IFNAR2: variants seen among roughly 807,000 people sequenced by gnomAD.
IFNAR2 encodes interferon alpha/beta receptor 2.
Under a neutral mutation model 49.4 loss-of-function variants are expected in IFNAR2, and 30 were observed. The observed-to-expected ratio is 0.61, with a 90% confidence interval of 0.45 to 0.82. The LOEUF (loss-of-function observed/expected upper bound fraction) is 0.82. Ranked by LOEUF, IFNAR2 falls within the 40% of genes least tolerant of loss-of-function variation. The probability of loss-of-function intolerance (pLI) is 0.00; values close to 1 mark genes in which losing one functional copy is unlikely to be tolerated. For missense variants in IFNAR2, 600 were observed against 622.7 expected (o/e 0.96, Z 0.39); for synonymous variants, 224 against 234.5 (o/e 0.96, Z 0.41).
In IFNAR2 at chr21:33,263,854, C is replaced by CTT. The variant is rs58370026; in HGVS notation, c.*371_*372dup. ...CCTATGATATTTCTCTTCTTTCGTT[C>CTT]TTTTTTTTTTTTTTTTTTGAGACAG... On this transcript the variant is annotated 3_prime_UTR_variant, in exon 9 of 9. Transcript: ENST00000342136. 1.5e-4 allele frequency: 19 copies of CTT among 127,204 alleles called. No individual in the cohort carries two copies. The highest frequency in any genetic ancestry group is 2.3e-4 in the Admixed American group (3 of 13,218). The allele number at this position is 127,204 out of a possible 1,614,324, so 7.9% of individuals were successfully genotyped here.
Position 33,246,853 on chromosome 21 carries a change from G to C in IFNAR2, c.357G>C (p.Leu119Phe), listed in dbSNP as rs1369125301. The C allele has an allele frequency of 1.2e-6, 2 of 1,614,220 alleles. No homozygotes were observed. Among genetic ancestry groups the C allele is most frequent in the East Asian group, 4.5e-5 (2 of 44,896 alleles). Residue 119 changes from leucine to phenylalanine, a missense_variant, in exon 5 of 9, where the codon TTG (leucine) becomes TTC (phenylalanine). Leu to Phe is a conservative substitution (Grantham distance 22). Coordinates refer to ENST00000342136, the MANE Select transcript of IFNAR2 (RefSeq NM_001289125.3). ...VLEGFSGNTT[L>F]FSCSHNFWLA... ...AAGGATTCAGCGGGAACACAACGTT[G>C]TTCAGTTGCTCACACAATTTCTGGC...
At position 33,263,714 on chromosome 21, in the gene IFNAR2, G is replaced by A. The variant is rs1043090339; in HGVS notation, c.*214G>A. On this transcript the variant is annotated 3_prime_UTR_variant, in exon 9 of 9. Transcript: ENST00000342136. ...GCATTGTTTACATATTCAAAGTGGT[G>A]CACTTTGAAGGAAGCACATGTGCAC... The A allele has an allele frequency of 1.4e-5, 8 of 563,756 alleles. No homozygotes were observed. The highest frequency in any genetic ancestry group is 4.7e-4 in the Middle Eastern group (1 of 2,124). 34.9% of individuals were successfully genotyped at this position (563,756 alleles called of 1,614,324 possible). A position where few individuals can be genotyped will look rare whatever the true frequency, so the allele number is the denominator to read the frequency against.
Position 33,241,869 on chromosome 21 carries a change from C to T in IFNAR2, c.-54C>T. ...ATTAGACACTTCAGAATTTTGATCA[C>T]CTAATGTTGATTTCAGATGTAAAAG... On this transcript the variant is annotated 5_prime_UTR_variant, in exon 2 of 9. Coordinates refer to ENST00000342136, the MANE Select transcript of IFNAR2 (RefSeq NM_001289125.3). 1.2e-6 allele frequency: 2 copies of T among 1,606,456 alleles called. No individual in the cohort carries two copies. The highest frequency in any genetic ancestry group is 1.7e-6 in the Non-Finnish European group (2 of 1,175,324).
chr21:33,265,379 A>G lies in IFNAR2; in HGVS notation c.*1879A>G, dbSNP rs1015265552. ...TAAAAATTATACAAGTTATAGTTCA[A>G]GGACTTTAAATAGATTATTTATATG... On this transcript the variant is annotated 3_prime_UTR_variant, in exon 9 of 9. Coordinates refer to ENST00000342136, the MANE Select transcript of IFNAR2 (RefSeq NM_001289125.3). 3.3e-5 allele frequency: 5 copies of G among 152,572 alleles called. No homozygotes were observed. Among genetic ancestry groups the G allele is most frequent in the Admixed American group, 6.5e-5 (1 of 15,320 alleles). The allele number at this position is 152,572 out of a possible 1,614,324, so 9.5% of individuals were successfully genotyped here.
rs746213961 is a variant in IFNAR2, at chr21:33,252,652, A to T, written c.541-10A>T. 3.1e-6 allele frequency: 5 copies of T among 1,605,126 alleles called. No individual in the cohort carries two copies. The highest frequency in any genetic ancestry group is 3.5e-5 in the Admixed American group (2 of 57,816). ...TCTCAGTCTTACTGATTTTTTGCTT[A>T]TGTTTACAGCATAAACCCGAAATAA... On this transcript the variant is annotated splice_polypyrimidine_tract_variant and intron_variant, in intron 6 of 8. Coordinates refer to ENST00000342136, the MANE Select transcript of IFNAR2 (RefSeq NM_001289125.3).
At chr21:33,242,146 G>A (rs1986987379) in intron 2 of IFNAR2, among the ~76,000 whole-genome samples, 169 bp downstream of exon 2, 1 of 152,162 alleles carries the variant, frequency 6.6e-6, no homozygotes, top group Admixed American at 6.5e-5. Context: ...TACACTAGTA[G>A]TTTAGATTCA....
intron 1 of IFNAR2, chr21:33,236,969 A>G: frequency 1.4e-6 from 1 of 723,052 alleles, no homozygotes; most frequent in Non-Finnish European, 1.7e-6. Context: ...GGGATATTAT[A>G]TTTTCCAAGC....
At chr21:33,247,192 T>G (rs1355527996) in intron 5 of IFNAR2, among the ~76,000 whole-genome samples, 2 of 151,640 alleles carry the variant, frequency 1.3e-5, no homozygotes, top group African/African-American at 4.8e-5. Context: ...CAGGTTCAGG[T>G]GGGCTGGATC....
At chr21:33,242,092 C>G in intron 2 of IFNAR2, 115 bp downstream of exon 2, 2 of 875,134 alleles carry the variant, frequency 2.3e-6, no homozygotes, top group Non-Finnish European at 3.5e-6. Flanking sequence ...CCCAGTACCA[C>G]CCTGCCTAGT....
Position 33,263,148 on chromosome 21 carries a change from A to G in IFNAR2, c.1196A>G (p.Lys399Arg), listed in dbSNP as rs2123543023. The change falls in exon 9 of 9, where the codon AAG becomes AGG. Residue 399 changes from lysine (K) to arginine (R), a missense_variant. By Grantham distance (26) the Lys-to-Arg change is conservative. Transcript: ENST00000342136. ...ELLSGPCERR[K>R]SPLQDPFPEE... ...TTGAGTGGGCCCTGTGAGAGGAGAA[A>G]GAGTCCACTCCAGGACCCTTTTCCC... 6.2e-7 allele frequency: 1 copy of G among 1,614,210 alleles called. No homozygotes were observed. Among genetic ancestry groups the G allele is most frequent in the South Asian group, 1.1e-5 (1 of 91,086 alleles).
rs1051393 is a variant in IFNAR2 at position 33,241,950 on chromosome 21, T to G, written c.28T>G (p.Phe10Val). The change falls in exon 2 of 9, where the codon TTC becomes GTC. Residue 10 changes from phenylalanine to valine, a missense_variant. Phe to Val is a conservative substitution (Grantham distance 50). Transcript: ENST00000342136. MLLSQNAFI[F>V]RSLNLVLMVY... is the part of the protein sequence containing the mutation. ...GCTTTTGAGCCAGAATGCCTTCATC[T>G]TCAGATCACTTAATTTGGTTCTCAT... The G allele has an allele frequency of 0.34, 538,331 of 1,606,830 alleles. 95,222 individuals are homozygous for G. The highest frequency in any genetic ancestry group is 0.57 in the East Asian group (25,310 of 44,640).
chr21:33,236,529 G>A (rs553240224), intron 1 of IFNAR2, among the ~76,000 whole-genome samples: 2 of 152,320 alleles, frequency 1.3e-5, no homozygotes, highest in East Asian at 3.9e-4. Context: ...TCTGACTCCA[G>A]TCCATGGGGC....
At chr21:33,235,472 T>C (rs1417665236) in intron 1 of IFNAR2, among the ~76,000 whole-genome samples, 1 of 152,134 alleles carries the variant, frequency 6.6e-6, no homozygotes, top group African/African-American at 2.4e-5. Context: ...AACAGTGAGC[T>C]ACAGACTGAG....
chr21:33,238,843 G>A (rs369929608), intron 1 of IFNAR2, among the ~76,000 whole-genome samples: 37 of 150,376 alleles, frequency 2.5e-4, no homozygotes, highest in African/African-American at 6.6e-4. Context: ...CCAAAGGCAC[G>A]AACAGTTAAT....
At chr21:33,244,382 G>C (rs958344109) in intron 3 of IFNAR2, among the ~76,000 whole-genome samples, 1 of 152,128 alleles carries the variant, frequency 6.6e-6, no homozygotes, top group Non-Finnish European at 1.5e-5. Context: ...TCTTTTCATA[G>C]TGCCTACTTC....
At chr21:33,237,615 T>C (rs1986579999) in intron 1 of IFNAR2, among the ~76,000 whole-genome samples, 1 of 152,186 alleles carries the variant, frequency 6.6e-6, no homozygotes, top group South Asian at 2.1e-4. Context: ...ACGCCTCTGC[T>C]GTGGATTGAT....
chr21:33,263,731 C>T lies in IFNAR2; in HGVS notation c.*231C>T. The stretch of plus-strand genomic sequence containing the variant: ...AAAGTGGTGCACTTTGAAGGAAGCA[C>T]ATGTGCACCTTTCCTTTACACTAAT... On this transcript the variant is annotated 3_prime_UTR_variant, in exon 9 of 9. Coordinates refer to ENST00000342136, the MANE Select transcript of IFNAR2 (RefSeq NM_001289125.3). The T allele has an allele frequency of 5.6e-6, 3 of 540,338 alleles. No individual in the cohort carries two copies. In the South Asian group the frequency reaches 7.0e-5, roughly 13 times the overall value. The allele number at this position is 540,338 out of a possible 1,614,324, so 33.5% of individuals were successfully genotyped here. A position where few individuals can be genotyped will look rare whatever the true frequency, so the allele number is the denominator to read the frequency against.
chr21:33,251,358 A>G (rs564467622), intron 6 of IFNAR2, among the ~76,000 whole-genome samples: 2 of 152,314 alleles, frequency 1.3e-5, no homozygotes, highest in East Asian at 3.9e-4. Context: ...TGACTATTGG[A>G]TTTAGCAACA....
chr21:33,248,868 C>T lies in IFNAR2; in HGVS notation c.540+14C>T, dbSNP rs1987640420. 6.4e-7 allele frequency: 1 copy of T among 1,572,540 alleles called. No individual in the cohort carries two copies. The highest frequency in any genetic ancestry group is 8.6e-7 in the Non-Finnish European group (1 of 1,156,304). ...ATTGTTAAGAAGGTAAGTGGCTTCT[C>T]CTGTTAGGATCAAAACAGTTCTGAG... is the stretch of plus-strand genomic sequence containing the variant. On this transcript the variant is annotated intron_variant, in intron 6 of 8. Coordinates refer to ENST00000342136, the MANE Select transcript of IFNAR2 (RefSeq NM_001289125.3).
Sources: gnomAD v4.1 joint callset for allele counts (sites outside exome capture counted in the v4.1 genomes callset) on GRCh38, gnomAD v4.1.1 for gene constraint, MANE v1.5 for transcripts, NCBI Gene and HGNC (gene_info 2026-07-23, HGNC 2026-07-21) for gene names.